Variants in INPP4B observed in about 807,000 individuals in gnomAD.
The protein encoded by INPP4B is inositol polyphosphate 4-phosphatase type II.
A neutral mutation model predicts 122.5 loss-of-function variants in INPP4B; 55 were observed. The ratio of observed to expected loss-of-function variants is 0.45; its 90% CI spans 0.36 to 0.56. The LOEUF (loss-of-function observed/expected upper bound fraction) is 0.56, where lower values mean the gene tolerates loss of function less well. Among genes scored for constraint, INPP4B ranks in the 20% least tolerant of loss-of-function variants. The pLI, the probability that INPP4B is intolerant of heterozygous loss-of-function variation, is 0.00. For missense variants in INPP4B, 1,000 were observed against 1,097.7 expected, an observed-to-expected ratio of 0.91 and a Z score of 1.26; for synonymous variants, 403 against 388.7, an observed-to-expected ratio of 1.04 and a Z score of -0.43.
rs192721935 is a variant in INPP4B at position 142,185,092 on chromosome 4, T to C, written c.1181+7995A>G. Among the ~76,000 whole-genome samples, 198 of 152,280 alleles carry C rather than the reference T, an allele frequency of 1.3e-3. 1 individual carries two copies. Among genetic ancestry groups the C allele is most frequent in the African/African-American group, 4.6e-3 (192 of 41,552 alleles). ...TTTAAAAGACAGTGGTTCTATGTGC[T>C]AGGATTATCTTAACCCATGTTTCAT... is the stretch of plus-strand genomic sequence containing the variant. On this transcript the variant is annotated intron_variant, in intron 15 of 25. Transcript: ENST00000262992.
intron 2 of INPP4B, among the ~76,000 whole-genome samples, chr4:142,639,726 C>G (rs1749972486): frequency 6.6e-6 from 1 of 152,016 alleles, no homozygotes; most frequent in South Asian, 2.1e-4. Context: ...CTACTCCTAG[C>G]TCTTCGTGTT....
intron 2 of INPP4B, among the ~76,000 whole-genome samples, chr4:142,506,557 C>A (rs1376413955): frequency 1.3e-5 from 2 of 152,112 alleles, no homozygotes; most frequent in African/African-American, 2.4e-5. Flanking sequence ...TACAAGAGCA[C>A]CAGACAGGGA....
At chr4:142,650,972 T>G (rs1416416146) in intron 2 of INPP4B, among the ~76,000 whole-genome samples, 1 of 152,160 alleles carries the variant, frequency 6.6e-6, no homozygotes, top group Non-Finnish European at 1.5e-5. Flanking sequence ...TAATTGGAAG[T>G]AAAGCACTCC....
At chr4:142,408,961 G>C (rs913459760) in intron 5 of INPP4B, among the ~76,000 whole-genome samples, 6 of 152,010 alleles carry the variant, frequency 3.9e-5, no homozygotes, top group African/African-American at 1.4e-4. Flanking sequence ...AATACAGAAG[G>C]AATATATTTT....
At chr4:142,691,538 A>G (rs553998152) in intron 2 of INPP4B, among the ~76,000 whole-genome samples, 2 of 152,282 alleles carry the variant, frequency 1.3e-5, no homozygotes, top group East Asian at 1.9e-4. Context: ...TCTTGCAAGT[A>G]TTAATAAAAT....
intron 3 of INPP4B, among the ~76,000 whole-genome samples, chr4:142,448,329 CAAAAAAAAAAAAAA>C (rs71586289): frequency 3.2e-5 from 2 of 61,988 alleles, no homozygotes; most frequent in Non-Finnish European, 5.9e-5. Context: ...TATCCATCTC[CAAAAAAAAAAAAAA>C]AAAAAAAAAA....
At chr4:142,190,496 C>T (rs544736118) in intron 15 of INPP4B, among the ~76,000 whole-genome samples, 1 of 152,294 alleles carries the variant, frequency 6.6e-6, no homozygotes, top group African/African-American at 2.4e-5. Flanking sequence ...GATAGCCATG[C>T]TCACCAGTAT....
At chr4:142,331,386 G>A (rs1042350414) in intron 7 of INPP4B, among the ~76,000 whole-genome samples, 4 of 152,154 alleles carry the variant, frequency 2.6e-5, no homozygotes, top group Non-Finnish European at 5.9e-5. Context: ...GCATGGAAGT[G>A]TTTGGGACCC....
At chr4:142,428,379 A>T (rs1056475510) in intron 5 of INPP4B, among the ~76,000 whole-genome samples, 2 of 151,246 alleles carry the variant, frequency 1.3e-5, no homozygotes, top group Non-Finnish European at 3.0e-5. Context: ...TGTAAAACTT[A>T]GTTTAAAATA....
intron 1 of INPP4B, among the ~76,000 whole-genome samples, chr4:142,751,876 T>C (rs1473751320): frequency 6.6e-6 from 1 of 152,108 alleles, no homozygotes; most frequent in Non-Finnish European, 1.5e-5. Context: ...CAAGGCCTGA[T>C]GCACTGTCCA....
intron 7 of INPP4B, among the ~76,000 whole-genome samples, chr4:142,336,300 G>T (rs1776553278): frequency 6.6e-6 from 1 of 152,184 alleles, no homozygotes; most frequent in Non-Finnish European, 1.5e-5. Context: ...TCCCACTTGA[G>T]GGGTAGTGGG....
intron 8 of INPP4B, among the ~76,000 whole-genome samples, chr4:142,309,768 C>A (rs115803400): frequency 0.014 from 2,084 of 152,280 alleles, 57 homozygotes; most frequent in African/African-American, 0.046. Flanking sequence ...GGTGCAAGAA[C>A]CCCAAAGCAG....
chr4:142,337,349 C>T (rs12640900), intron 7 of INPP4B, among the ~76,000 whole-genome samples: 58,386 of 151,228 alleles, frequency 0.39, 11,621 homozygotes, highest in East Asian at 0.64. Flanking sequence ...ATTGCTGCAT[C>T]TTTAGAGATT....
At chr4:142,250,088 G>A (rs944244682) in intron 11 of INPP4B, among the ~76,000 whole-genome samples, 1 of 152,118 alleles carries the variant, frequency 6.6e-6, no homozygotes, top group Non-Finnish European at 1.5e-5. Flanking sequence ...GTCTTCTAGT[G>A]TGCCTTGTTT....
chr4:142,439,179 AT>A (rs1370735091), intron 3 of INPP4B, among the ~76,000 whole-genome samples: 7 of 152,206 alleles, frequency 4.6e-5, no homozygotes, highest in Non-Finnish European at 1.0e-4. Flanking sequence ...TAGTCAGGCC[AT>A]TTCTGCCTGT....
At chr4:142,746,917 C>T (rs557918730) in intron 1 of INPP4B, among the ~76,000 whole-genome samples, 2 of 152,066 alleles carry the variant, frequency 1.3e-5, no homozygotes, top group Non-Finnish European at 2.9e-5. Flanking sequence ...ACCATAAAAA[C>T]CCTAGAAGAA....
intron 5 of INPP4B, among the ~76,000 whole-genome samples, chr4:142,425,852 T>C (rs1368339438): frequency 6.6e-6 from 1 of 152,036 alleles, no homozygotes; most frequent in African/African-American, 2.4e-5. Context: ...TGCTTATTAA[T>C]GCTTTCACTC....
intron 14 of INPP4B, among the ~76,000 whole-genome samples, chr4:142,206,095 T>G (rs1389210180): frequency 6.6e-6 from 1 of 152,054 alleles, no homozygotes; most frequent in African/African-American, 2.4e-5. Context: ...TGGTAGAAGG[T>G]GGAAAAGCAA....
At chr4:142,694,139 G>A (rs552878757) in intron 2 of INPP4B, among the ~76,000 whole-genome samples, 22 of 152,182 alleles carry the variant, frequency 1.4e-4, no homozygotes, top group African/African-American at 5.3e-4. Flanking sequence ...TTGGGAGGCC[G>A]ACGCAGGCAG....
Sources: allele counts gnomAD v4.1 joint callset (sites outside exome capture counted in the v4.1 genomes callset), GRCh38; gene constraint gnomAD v4.1.1; transcripts MANE v1.5; gene names NCBI Gene and HGNC (gene_info 2026-07-23, HGNC 2026-07-21).